The following FRRS1 variants were observed in gnomAD, a reference collection of about 807,000 sequenced individuals.
FRRS1 encodes the protein ferric reductase 1.
Under a neutral mutation model 70.7 loss-of-function variants are expected in FRRS1, and 51 were observed. The observed-to-expected ratio is 0.72, with a 90% CI of 0.58 to 0.91. The LOEUF (loss-of-function observed/expected upper bound fraction) is 0.91. FRRS1 is among the 40% of genes least tolerant of loss of function. FRRS1 has a pLI of 0.00. For synonymous variants in FRRS1, 225 were observed against 238.7 expected (o/e 0.94, Z 0.53); for missense variants, 672 against 726.0 (o/e 0.93, Z 0.86).
At chr1:99,756,166 T>C (rs376588397) in intron 1 of FRRS1, among the ~76,000 whole-genome samples, 10 of 152,168 alleles carry the variant, frequency 6.6e-5, no homozygotes, top group African/African-American at 9.6e-5. Flanking sequence ...AGGACTCCTA[T>C]CAATTATGCA....
At chr1:99,724,173 A>AT (rs1394041565) in intron 9 of FRRS1, among the ~76,000 whole-genome samples, 2 of 152,216 alleles carry the variant, frequency 1.3e-5, no homozygotes, top group African/African-American at 4.8e-5. Flanking sequence ...GTCCATTATG[A>AT]TTTCAGAGTT....
At chr1:99,757,490 C>T (rs1656895173) in intron 1 of FRRS1, among the ~76,000 whole-genome samples, 1 of 152,106 alleles carries the variant, frequency 6.6e-6, no homozygotes, top group South Asian at 2.1e-4. Context: ...CACTTCATTC[C>T]ATTTGTGAGC....
chr1:99,750,736 CA>C (rs112095729), intron 1 of FRRS1, among the ~76,000 whole-genome samples: 9 of 149,338 alleles, frequency 6.0e-5, no homozygotes, highest in African/African-American at 2.0e-4. Flanking sequence ...ACAAAAGGTA[CA>C]ACAAATGTGG....
chr1:99,731,085 G>A (rs1466367459), intron 7 of FRRS1, among the ~76,000 whole-genome samples: 1 of 152,024 alleles, frequency 6.6e-6, no homozygotes, highest in African/African-American at 2.4e-5. Context: ...TCAAAAAGCA[G>A]ACTGTCAATT....
intron 6 of FRRS1, among the ~76,000 whole-genome samples, chr1:99,740,032 A>G (rs12120774): frequency 0.02 from 3,052 of 152,310 alleles, 65 homozygotes; most frequent in Admixed American, 0.062. Context: ...GAGGGCCTAG[A>G]TGAAATTCTA....
intron 4 of FRRS1, among the ~76,000 whole-genome samples, chr1:99,746,107 G>C (rs1443695652): frequency 6.6e-6 from 1 of 152,120 alleles, no homozygotes; most frequent in Non-Finnish European, 1.5e-5. Flanking sequence ...AGCAACACAG[G>C]AACAGCCTAA....
In FRRS1 at chr1:99,704,052, T is replaced by G. The variant is rs1653963461; in HGVS notation, c.*4976A>C. On this transcript the variant is annotated 3_prime_UTR_variant, in exon 17 of 17. Transcript: ENST00000646001. ...TTTTATAAAAAGTATACATTTTACATGCAAAATTTATTAAGTTTAACACTG... is the reference window on the plus strand; with the variant it reads ...TTTTATAAAAAGTATACATTTTACAGGCAAAATTTATTAAGTTTAACACTG... Among the ~76,000 whole-genome samples, 1 of 152,210 alleles carries G rather than the reference T, an allele frequency of 6.6e-6. No homozygotes were observed. Among genetic ancestry groups the G allele is most frequent in the Admixed American group, 6.5e-5 (1 of 15,284 alleles).
intron 6 of FRRS1, among the ~76,000 whole-genome samples, chr1:99,739,426 A>G (rs1655843587): frequency 6.6e-6 from 1 of 152,212 alleles, no homozygotes. Flanking sequence ...TTTTAATTAA[A>G]TAAGGATTAA....
rs1557692464 is a variant in FRRS1 at position 99,729,660 on chromosome 1, A to T, written c.848T>A (p.Met283Lys). The T allele has an allele frequency of 6.2e-7, 1 of 1,609,926 alleles. No individual in the cohort carries two copies. Among genetic ancestry groups the T allele is most frequent in the Non-Finnish European group, 8.5e-7 (1 of 1,176,460 alleles). The change falls in exon 8 of 17, where the codon ATG (methionine) becomes AAG (lysine). Residue 283 changes from methionine to lysine, a missense_variant. Met to Lys is a moderately conservative substitution (Grantham distance 95). Transcript: ENST00000646001. ...AATTTTCACACCTACCCTGGAGTCC[A>T]TTACAGGGTGACTTCGCCCCGTTAA... Reference protein sequence around the residue: ...SHLTGRSHPVMDSRDTLEDMA... With the variant: ...SHLTGRSHPVKDSRDTLEDMA...
At chr1:99,747,004 A>C (rs983443266) in intron 4 of FRRS1, among the ~76,000 whole-genome samples, 5 of 152,170 alleles carry the variant, frequency 3.3e-5, no homozygotes, top group African/African-American at 1.2e-4. Flanking sequence ...GACCTTTATG[A>C]TAATCCACTT....
At position 99,748,746 on chromosome 1, in the gene FRRS1, AG is replaced by A; in HGVS notation, c.22del (p.Gly9ValfsTer20). ...GTGCAACAGAAGTATGCAGGTACCAAGAGTAAATCCAGAAACTGCCATCTCA... is the reference window on the plus strand; with the variant it reads ...GTGCAACAGAAGTATGCAGGTACCAAAGTAAATCCAGAAACTGCCATCTCA... Reference protein sequence around the residue: MAVSGFTLGTCILLLHIS... With the variant: MAVSGFTXGTCILLLHIS... On this transcript the variant is annotated frameshift_variant, in exon 3 of 17. Coordinates refer to ENST00000646001, the MANE Select transcript of FRRS1 (RefSeq NM_001361041.2). LOFTEE classifies it high-confidence loss of function. The A allele has an allele frequency of 6.2e-7, 1 of 1,613,804 alleles. No individual in the cohort carries two copies. The highest frequency in any genetic ancestry group is 8.5e-7 in the Non-Finnish European group (1 of 1,179,812).
intron 14 of FRRS1, 58 bp downstream of exon 14, chr1:99,712,047 A>G (rs1654294899): frequency 8.3e-7 from 1 of 1,199,476 alleles, no homozygotes; most frequent in African/African-American, 1.5e-5. Context: ...CCAAATTACA[A>G]CTTGTAATAT....
intron 7 of FRRS1, among the ~76,000 whole-genome samples, chr1:99,732,828 G>T (rs1424555423): frequency 7.4e-6 from 1 of 134,602 alleles, no homozygotes; most frequent in African/African-American, 3.0e-5. Flanking sequence ...AGGTTTGGAG[G>T]GATATTTTTG....
chr1:99,713,220 G>T (rs752184171), intron 12 of FRRS1, among the ~76,000 whole-genome samples: 6 of 152,108 alleles, frequency 3.9e-5, no homozygotes, highest in Non-Finnish European at 5.9e-5. Flanking sequence ...GTAAACTGAG[G>T]GTCATAGTTA....
rs950511925 is a variant in FRRS1, at chr1:99,706,701, C to T, written c.*2327G>A. Among the ~76,000 whole-genome samples, 5 of 152,002 alleles carry T rather than the reference C, an allele frequency of 3.3e-5. No individual in the cohort carries two copies. The highest frequency in any genetic ancestry group is 1.2e-4 in the African/African-American group (5 of 41,374). On this transcript the variant is annotated 3_prime_UTR_variant, in exon 17 of 17. Coordinates refer to ENST00000646001, the MANE Select transcript of FRRS1 (RefSeq NM_001361041.2). The stretch of plus-strand genomic sequence containing the variant: ...TTTAGACCAGGAGTTTGGGACCAGC[C>T]TGGCCAAAATGTGAAACCCCCGTCT...
intron 12 of FRRS1, among the ~76,000 whole-genome samples, chr1:99,713,909 G>C (rs1654392690): frequency 6.6e-6 from 1 of 152,134 alleles, no homozygotes; most frequent in South Asian, 2.1e-4. Context: ...GCAAAAACTT[G>C]AGGAAGGTGA....
rs1654052337 is a variant in FRRS1 at position 99,706,948 on chromosome 1, A to G, written c.*2080T>C. 1.3e-5 allele frequency among the ~76,000 whole-genome samples: 2 copies of G among 152,184 alleles called. No homozygotes were observed. Among genetic ancestry groups the G allele is most frequent in the Non-Finnish European group, 2.9e-5 (2 of 68,040 alleles). ...AGATGTAGAATATAACTTAAGAGAA[A>G]TTTATTAACATTTAAGCTCCTTAGT... is the stretch of plus-strand genomic sequence containing the variant. On this transcript the variant is annotated 3_prime_UTR_variant, in exon 17 of 17. Coordinates refer to ENST00000646001, the MANE Select transcript of FRRS1 (RefSeq NM_001361041.2).
intron 13 of FRRS1, 90 bp from the exon 14 acceptor site, chr1:99,712,253 G>T: frequency 1.0e-6 from 1 of 1,003,298 alleles, no homozygotes; most frequent in Non-Finnish European, 1.5e-6. Context: ...TTTCCTTATT[G>T]TCTGGGAATT....
rs761592334 is a variant in FRRS1, at chr1:99,738,084, AC to A, written c.759+1del. On this transcript the variant is annotated splice_donor_variant, in intron 7 of 16. Transcript: ENST00000646001. LOFTEE classifies it high-confidence loss of function. ...CCACTTATGTAAGTGAGAGGTACCA[AC>A]CATCCACTGATCATGAGACAATGCA... The A allele has an allele frequency of 2.9e-5, 46 of 1,607,802 alleles. No homozygotes were observed. The highest frequency in any genetic ancestry group is 3.8e-5 in the Non-Finnish European group (45 of 1,175,914).
Sources: gnomAD v4.1 joint callset for allele counts (sites outside exome capture counted in the v4.1 genomes callset) on GRCh38, gnomAD v4.1.1 for gene constraint, MANE v1.5 for transcripts, NCBI Gene and HGNC (gene_info 2026-07-23, HGNC 2026-07-21) for gene names.